The following TMPRSS12 variants were observed in gnomAD, a reference collection of about 807,000 sequenced individuals.
The protein encoded by TMPRSS12 is transmembrane serine protease 12, also known as transmembrane protease serine 12.
TMPRSS12 carries 25 observed loss-of-function variants against 26.0 expected under a neutral mutation model. The observed-to-expected ratio is 0.96, with a 90% CI of 0.70 to 1.34. The LOEUF is 1.34. Ranked by LOEUF, TMPRSS12 falls within the 40% of genes most tolerant of loss-of-function variation. The probability of loss-of-function intolerance (pLI) is 0.00; values close to 1 mark genes in which losing one functional copy is unlikely to be tolerated. For synonymous variants in TMPRSS12, 150 were observed against 161.7 expected (o/e 0.93, Z 0.55); for missense variants, 441 against 440.1 (o/e 1.00, Z -0.02).
chr12:50,878,813 G>A (rs1938137559), intron 3 of TMPRSS12, among the ~76,000 whole-genome samples: 2 of 152,186 alleles, frequency 1.3e-5, no homozygotes, highest in South Asian at 4.1e-4. Context: ...CAATCTGAAT[G>A]TTTGTGTCCA....
At chr12:50,879,923 A>C (rs1938148484) in intron 3 of TMPRSS12, among the ~76,000 whole-genome samples, 1 of 152,082 alleles carries the variant, frequency 6.6e-6, no homozygotes, top group South Asian at 2.1e-4. Context: ...GTAAACTGTG[A>C]TTGTGTCACT....
intron 3 of TMPRSS12, among the ~76,000 whole-genome samples, chr12:50,872,743 T>TGACGTATATGTGTACATATATAG (rs767637269): frequency 2.6e-4 from 6 of 23,204 alleles, no homozygotes; most frequent in South Asian, 1.6e-3. Context: ...TACATATATA[T>TGACGTATATGTGTACATATATAG]ACGTCTATAT....
At chr12:50,848,249 T>A (rs1034544402) in intron 2 of TMPRSS12, 1 of 151,916 alleles carries the variant, frequency 6.6e-6, no homozygotes, top group Non-Finnish European at 1.5e-5. Flanking sequence ...CTTGTTATTA[T>A]AAAGTATTTA....
At chr12:50,873,230 G>C (rs1222203024) in intron 3 of TMPRSS12, among the ~76,000 whole-genome samples, 1 of 151,940 alleles carries the variant, frequency 6.6e-6, no homozygotes, top group Admixed American at 6.6e-5. Flanking sequence ...TACAAATAGG[G>C]TGCAGTGTAT....
At chr12:50,882,887 G>A (rs1390184283) in intron 3 of TMPRSS12, among the ~76,000 whole-genome samples, 1 of 152,128 alleles carries the variant, frequency 6.6e-6, no homozygotes. Context: ...ACAAAAGGAA[G>A]GAATATACTC....
intron 2 of TMPRSS12, 52 bp from the exon 3 acceptor site, chr12:50,858,733 T>C: frequency 7.5e-7 from 1 of 1,335,412 alleles, no homozygotes; most frequent in Non-Finnish European, 9.8e-7. Context: ...ATTAAGAATA[T>C]GTACTTAGTT....
chr12:50,866,037 G>A (rs533016054), intron 3 of TMPRSS12, among the ~76,000 whole-genome samples: 1 of 152,186 alleles, frequency 6.6e-6, no homozygotes, highest in Non-Finnish European at 1.5e-5. Context: ...CATGGCAGAT[G>A]GGAGCCAGAA....
intron 3 of TMPRSS12, among the ~76,000 whole-genome samples, chr12:50,875,269 C>T (rs1938101930): frequency 6.6e-6 from 1 of 151,938 alleles, no homozygotes; most frequent in Admixed American, 6.6e-5. Flanking sequence ...GTGGGCGGAT[C>T]ACTTGTGGTC....
rs79942899 is a variant in TMPRSS12 at position 50,844,922 on chromosome 12, C to A, written c.383+885C>A. Among the ~76,000 whole-genome samples, 715 of 152,244 alleles carry A rather than the reference C, an allele frequency of 4.7e-3. 30 individuals are homozygous for A. The East Asian group carries it at 0.091, about 19-fold the overall frequency. ...AAATGTAGAGTAGGGCATGTTGGCT[C>A]ATATTTGTTATCCCAATGCTTTGGG... On this transcript the variant is annotated intron_variant, in intron 2 of 4. Transcript: ENST00000398458.
chr12:50,859,232 T>C (rs1454726979), intron 3 of TMPRSS12, among the ~76,000 whole-genome samples, 179 bp downstream of exon 3: 2 of 151,784 alleles, frequency 1.3e-5, no homozygotes, highest in Non-Finnish European at 2.9e-5. Flanking sequence ...TTTTTTTTTT[T>C]CCAGACAGAG....
In TMPRSS12 at chr12:50,885,294, G is replaced by A. The variant is rs564001932; in HGVS notation, c.701G>A (p.Arg234Gln). The A allele has an allele frequency of 2.9e-5, 46 of 1,611,828 alleles. No homozygotes were observed. In the East Asian group the frequency reaches 3.1e-4, roughly 11 times the overall value. ...GATGCAGAAGTGCATTATATTTCTCGAGAGATGTGTAATTCTGAGAGGAGT... is the reference window on the plus strand; with the variant it reads ...GATGCAGAAGTGCATTATATTTCTCAAGAGATGTGTAATTCTGAGAGGAGT... ...LQDAEVHYIS[R>Q]EMCNSERSYG... is the part of the protein sequence containing the mutation. Residue 234 changes from arginine (R) to glutamine (Q), a missense_variant, in exon 4 of 5, where the codon CGA becomes CAA. Coordinates refer to ENST00000398458, the MANE Select transcript of TMPRSS12 (RefSeq NM_182559.3).
chr12:50,853,665 C>T (rs1305104760), intron 2 of TMPRSS12, among the ~76,000 whole-genome samples: 3 of 150,484 alleles, frequency 2.0e-5, no homozygotes, highest in Non-Finnish European at 3.0e-5. Flanking sequence ...TACCACCAAC[C>T]CCACAGAAAT....
At position 50,887,658 on chromosome 12, in the gene TMPRSS12, CAG is replaced by C; in HGVS notation, c.*147_*148del. 1 of 985,494 alleles carries C rather than the reference CAG, an allele frequency of 1.0e-6. No homozygotes were observed. Among genetic ancestry groups the C allele is most frequent in the Non-Finnish European group, 1.5e-6 (1 of 688,058 alleles). The allele number at this position is 985,494 out of a possible 1,614,324, so 61.0% of individuals were successfully genotyped here. A position where few individuals can be genotyped will look rare whatever the true frequency, so the allele number is the denominator to read the frequency against. ...ATTTTATGGGCTATAAGTATTGTGA[CAG>C]ATATACAATTGTAATTTTGGCACTG... On this transcript the variant is annotated 3_prime_UTR_variant, in exon 5 of 5. Transcript: ENST00000398458.
intron 2 of TMPRSS12, among the ~76,000 whole-genome samples, chr12:50,852,610 C>T (rs1211551989): frequency 6.6e-6 from 1 of 151,952 alleles, no homozygotes; most frequent in Non-Finnish European, 1.5e-5. Flanking sequence ...GGGGTTTCAC[C>T]ATCTTGATCA....
intron 2 of TMPRSS12, chr12:50,847,872 C>A (rs1057037676): frequency 6.6e-6 from 1 of 151,448 alleles, no homozygotes; most frequent in Admixed American, 6.6e-5. Context: ...GGCGAAAGAG[C>A]GAGACTTCAT....
chr12:50,855,339 C>T (rs1937865292), intron 2 of TMPRSS12, among the ~76,000 whole-genome samples: 1 of 152,096 alleles, frequency 6.6e-6, no homozygotes, highest in Admixed American at 6.6e-5. Flanking sequence ...TATCTAGGAT[C>T]TATAAGGAAC....
chr12:50,876,663 G>A (rs928101428), intron 3 of TMPRSS12, among the ~76,000 whole-genome samples: 5 of 152,066 alleles, frequency 3.3e-5, no homozygotes, highest in Admixed American at 2.6e-4. Context: ...AATTAGCTGG[G>A]TGTGGTGGCG....
rs139297301 is a variant in TMPRSS12, at chr12:50,879,009, C to G, written c.653-6237C>G. Among the ~76,000 whole-genome samples, 444 of 152,302 alleles carry G rather than the reference C, an allele frequency of 2.9e-3. 3 individuals are homozygous for G. Among genetic ancestry groups the G allele is most frequent in the African/African-American group, 0.01 (417 of 41,568 alleles). On this transcript the variant is annotated intron_variant, in intron 3 of 4. Coordinates refer to ENST00000398458, the MANE Select transcript of TMPRSS12 (RefSeq NM_182559.3). ...CACAACTTATGAACCAGAAAATGGC[C>G]CTAATCAGACACCGAATCTGCCAGT...
chr12:50,861,764 A>AG (rs1307781515), intron 3 of TMPRSS12, among the ~76,000 whole-genome samples: 1 of 152,186 alleles, frequency 6.6e-6, no homozygotes, highest in East Asian at 1.9e-4. Context: ...ATTCAAGCCC[A>AG]GTTCTGCCTG....
Sources: gnomAD v4.1 joint callset for allele counts (sites outside exome capture counted in the v4.1 genomes callset) on GRCh38, gnomAD v4.1.1 for gene constraint, MANE v1.5 for transcripts, NCBI Gene and HGNC (gene_info 2026-07-23, HGNC 2026-07-21) for gene names.